RAPGEF5: variants seen among roughly 807,000 people sequenced by gnomAD.
RAPGEF5 encodes M-Ras-regulated GEF.
In RAPGEF5, 65 loss-of-function variants were observed where a neutral mutation model predicts 125.2. That is an observed-to-expected ratio of 0.52 (90% CI 0.43 to 0.64). RAPGEF5 has a LOEUF of 0.64. RAPGEF5 is among the 30% of genes least tolerant of loss of function. The probability of loss-of-function intolerance (pLI) is 0.00; values close to 1 mark genes in which losing one functional copy is unlikely to be tolerated. For synonymous variants in RAPGEF5, 391 were observed against 385.9 expected, an observed-to-expected ratio of 1.01 and a Z score of -0.16; for missense variants, 958 against 1,048.1, an observed-to-expected ratio of 0.91 and a Z score of 1.19.
intron 1 of RAPGEF5, among the ~76,000 whole-genome samples, chr7:22,336,373 T>C (rs1784026714): frequency 6.6e-6 from 1 of 152,242 alleles, no homozygotes; most frequent in Admixed American, 6.5e-5. Context: ...TTTAATTTCA[T>C]AAAATTAAAT....
chr7:22,176,931 T>C (rs2128119763), intron 11 of RAPGEF5, among the ~76,000 whole-genome samples: 1 of 152,340 alleles, frequency 6.6e-6, no homozygotes, highest in African/African-American at 2.4e-5. Flanking sequence ...TATTTAAAAA[T>C]ACTGCTAGGA....
At chr7:22,170,467 T>G (rs921486652) in intron 11 of RAPGEF5, among the ~76,000 whole-genome samples, 1 of 152,208 alleles carries the variant, frequency 6.6e-6, no homozygotes, top group Admixed American at 6.5e-5. Flanking sequence ...GCATTTAAAA[T>G]GCTGGATGTG....
intron 7 of RAPGEF5, among the ~76,000 whole-genome samples, chr7:22,241,284 C>T (rs769378329): frequency 1.5e-4 from 23 of 151,780 alleles, no homozygotes; most frequent in Non-Finnish European, 3.4e-4. Flanking sequence ...CCAAATCTTC[C>T]CAGTAGACAT....
At chr7:22,301,369 AC>A (rs1783196021) in intron 5 of RAPGEF5, among the ~76,000 whole-genome samples, 2 of 152,124 alleles carry the variant, frequency 1.3e-5, no homozygotes, top group South Asian at 4.1e-4. Flanking sequence ...TAATCTCCGA[AC>A]TTTGGGAGGC....
chr7:22,240,464 C>T (rs1473593592), intron 7 of RAPGEF5, among the ~76,000 whole-genome samples: 8 of 151,942 alleles, frequency 5.3e-5, no homozygotes, highest in Middle Eastern at 3.2e-3. Flanking sequence ...CTCCACCTCC[C>T]GGGTTCAAGC....
At chr7:22,225,387 C>T (rs1785894872) in intron 8 of RAPGEF5, among the ~76,000 whole-genome samples, 1 of 152,130 alleles carries the variant, frequency 6.6e-6, no homozygotes, top group South Asian at 2.1e-4. Context: ...TAAATAACTT[C>T]TAGATGCATT....
Position 22,317,476 on chromosome 7 carries a change from G to T in RAPGEF5, c.282+511C>A, listed in dbSNP as rs192084662. ...AGGATGGTCTCAATCTCCTGACCTC[G>T]TGATCTGCCCACCTCAGCCTCCCAA... On this transcript the variant is annotated intron_variant, in intron 2 of 25. Transcript: ENST00000665637. 4.1e-3 allele frequency among the ~76,000 whole-genome samples: 620 copies of T among 151,888 alleles called. 4 individuals carry two copies. Among genetic ancestry groups the T allele is most frequent in the African/African-American group, 0.014 (588 of 41,418 alleles).
chr7:22,259,936 T>C (rs1330178294), intron 7 of RAPGEF5, among the ~76,000 whole-genome samples: 1 of 152,090 alleles, frequency 6.6e-6, no homozygotes, highest in Non-Finnish European at 1.5e-5. Flanking sequence ...ATACAAAAAT[T>C]ACCCGGGTGT....
intron 9 of RAPGEF5, among the ~76,000 whole-genome samples, chr7:22,200,839 T>A (rs1785260823): frequency 6.6e-6 from 1 of 152,210 alleles, no homozygotes; most frequent in African/African-American, 2.4e-5. Context: ...GCTAGTAACC[T>A]ACTGCACAAT....
intron 3 of RAPGEF5, among the ~76,000 whole-genome samples, chr7:22,313,664 C>T (rs1052232549): frequency 9.9e-5 from 15 of 152,066 alleles, no homozygotes; most frequent in Admixed American, 7.9e-4. Flanking sequence ...CATGGAGATC[C>T]AATAAAGGAG....
In RAPGEF5 at chr7:22,160,413, G is replaced by A. The variant is rs1187413931; in HGVS notation, c.1526+105C>T. The A allele has an allele frequency of 3.7e-6, 4 of 1,094,244 alleles. No individual in the cohort carries two copies. The Admixed American group carries it at 1.1e-4, about 30-fold the overall frequency. The allele number at this position is 1,094,244 out of a possible 1,614,324, so 67.8% of individuals were successfully genotyped here. On this transcript the variant is annotated intron_variant, in intron 14 of 25. Coordinates refer to ENST00000665637, the MANE Select transcript of RAPGEF5 (RefSeq NM_012294.5). Reference sequence around the variant, plus strand: ...AGCTAAGGCATCAAGATGAATCTGAGTCAAAATGTTCAAAATCAACTTTTA... The same window carrying A: ...AGCTAAGGCATCAAGATGAATCTGAATCAAAATGTTCAAAATCAACTTTTA...
In RAPGEF5 at chr7:22,119,716, G is replaced by A. The variant is rs1395753007; in HGVS notation, c.*2690C>T. The A allele has an allele frequency of 6.6e-6, 1 of 152,226 alleles. No homozygotes were observed. The highest frequency in any genetic ancestry group is 2.4e-5 in the African/African-American group (1 of 41,452). The allele number at this position is 152,226 out of a possible 1,614,324, so 9.4% of individuals were successfully genotyped here. ...GTGCCGAAGGTGCCAGATTACGTAA[G>A]ATTTGCAGAGTGAGCGAAGATTTTA... On this transcript the variant is annotated 3_prime_UTR_variant, in exon 26 of 26. Transcript: ENST00000665637. The surrounding 1 kb of genome is among the most constrained non-coding windows in gnomAD (Gnocchi z 4.1).
intron 8 of RAPGEF5, among the ~76,000 whole-genome samples, chr7:22,225,618 T>A (rs752095604): frequency 2.0e-5 from 3 of 152,182 alleles, no homozygotes; most frequent in Non-Finnish European, 2.9e-5. Flanking sequence ...AAGAAACCCA[T>A]GAATTTATTA....
At position 22,354,487 on chromosome 7, in the gene RAPGEF5, A is replaced by C. The variant is rs553012103; in HGVS notation, c.231+2343T>G. ...CCCAGATGCTAACAAGTCACCAACCAACCAGTCTGATACATATTCTACTTG... is the reference window on the plus strand; with the variant it reads ...CCCAGATGCTAACAAGTCACCAACCCACCAGTCTGATACATATTCTACTTG... On this transcript the variant is annotated intron_variant, in intron 1 of 25. Transcript: ENST00000665637. Among the ~76,000 whole-genome samples the C allele has an allele frequency of 2.6e-5, 4 of 152,280 alleles. No individual in the cohort carries two copies. In the South Asian group the frequency reaches 8.3e-4, roughly 32 times the overall value.
chr7:22,146,884 ACTC>A lies in RAPGEF5; in HGVS notation c.2007+10_2007+12del. ...AACAGCATTTGTATTTTATCTTGTC[ACTC>A]CTCATTTACCTCGTGAATTGAATTG... is the stretch of plus-strand genomic sequence containing the variant. On this transcript the variant is annotated intron_variant, in intron 19 of 25. Coordinates refer to ENST00000665637, the MANE Select transcript of RAPGEF5 (RefSeq NM_012294.5). 1.2e-6 allele frequency: 2 copies of A among 1,607,536 alleles called. No homozygotes were observed. The highest frequency in any genetic ancestry group is 1.7e-6 in the Non-Finnish European group (2 of 1,177,866).
At chr7:22,352,646 T>C (rs1784351292) in intron 1 of RAPGEF5, among the ~76,000 whole-genome samples, 1 of 152,160 alleles carries the variant, frequency 6.6e-6, no homozygotes, top group Non-Finnish European at 1.5e-5. Flanking sequence ...CATAAGTTCT[T>C]AATGACACTT....
intron 6 of RAPGEF5, among the ~76,000 whole-genome samples, chr7:22,283,351 A>G (rs909825676): frequency 3.3e-5 from 5 of 152,218 alleles, no homozygotes; most frequent in Non-Finnish European, 5.9e-5. Flanking sequence ...AACAATATAA[A>G]ATAACAGAAA....
At chr7:22,257,747 CT>C (rs1203079418) in intron 7 of RAPGEF5, among the ~76,000 whole-genome samples, 2 of 152,116 alleles carry the variant, frequency 1.3e-5, no homozygotes, top group African/African-American at 4.8e-5. Context: ...ATTTTTACCC[CT>C]AGATTGTTTC....
chr7:22,219,792 C>T (rs973435511), intron 9 of RAPGEF5, 74 bp downstream of exon 9: 16 of 1,479,042 alleles, frequency 1.1e-5, no homozygotes, highest in African/African-American at 9.8e-5. Flanking sequence ...AATAGTCTTT[C>T]GTTCAAACAT....
Sources: allele counts gnomAD v4.1 joint callset (sites outside exome capture counted in the v4.1 genomes callset), GRCh38; gene constraint gnomAD v4.1.1; non-coding constraint Gnocchi (gnomAD v3.1); transcripts MANE v1.5; gene names NCBI Gene and HGNC (gene_info 2026-07-23, HGNC 2026-07-21).